The following FXR1 variants were observed in gnomAD, a reference collection of about 807,000 sequenced individuals.
The protein encoded by FXR1 is RNA-binding protein FXR1.
A neutral mutation model predicts 84.0 loss-of-function variants in FXR1; 15 were observed. The ratio of observed to expected loss-of-function variants is 0.18; its 90% CI spans 0.12 to 0.27. The LOEUF (loss-of-function observed/expected upper bound fraction) is 0.27, where lower values mean the gene tolerates loss of function less well. FXR1 is among the 10% of genes least tolerant of loss of function. The pLI is 1.00. For missense variants in FXR1, 480 were observed against 774.4 expected, an observed-to-expected ratio of 0.62 and a Z score of 4.51; for synonymous variants, 245 against 250.7, an observed-to-expected ratio of 0.98 and a Z score of 0.21.
intron 3 of FXR1, among the ~76,000 whole-genome samples, chr3:180,940,177 A>T (rs1005613332): frequency 3.3e-5 from 5 of 152,346 alleles, no homozygotes; most frequent in East Asian, 1.9e-4. Context: ...ATTTATTTTT[A>T]TACCTAATTA....
intron 7 of FXR1, among the ~76,000 whole-genome samples, chr3:180,950,054 A>G (rs1722068378): frequency 6.6e-6 from 1 of 152,192 alleles, no homozygotes; most frequent in African/African-American, 2.4e-5. Context: ...ATCATGTGGC[A>G]TGTAGTATTA....
intron 11 of FXR1, among the ~76,000 whole-genome samples, chr3:180,961,906 T>A (rs1712169215): frequency 6.6e-6 from 1 of 152,228 alleles, no homozygotes; most frequent in Admixed American, 6.5e-5. Flanking sequence ...ATTTTGTTTT[T>A]ACTTTTGTAC....
In FXR1 at chr3:180,916,437, G is replaced by A. The variant is rs559524982; in HGVS notation, c.51+3701G>A. Among the ~76,000 whole-genome samples, 13 of 152,094 alleles carry A rather than the reference G, an allele frequency of 8.5e-5. No individual in the cohort carries two copies. In the East Asian group the frequency reaches 2.3e-3, roughly 27 times the overall value. On this transcript the variant is annotated intron_variant, in intron 1 of 16. Transcript: ENST00000357559. ...GAGACAGAATCTTGCTCTTTTGCCCGGGTGGGAGCACAGTGGTGGGAGCGC... is the reference window on the plus strand; with the variant it reads ...GAGACAGAATCTTGCTCTTTTGCCCAGGTGGGAGCACAGTGGTGGGAGCGC...
chr3:180,951,327 T>C lies in FXR1; in HGVS notation c.660T>C (p.His220=), dbSNP rs1722214588. 6.2e-7 allele frequency: 1 copy of C among 1,607,026 alleles called. No homozygotes were observed. Among genetic ancestry groups the C allele is most frequent in the Non-Finnish European group, 8.5e-7 (1 of 1,174,590 alleles). Residue 220 remains histidine, a synonymous_variant, in exon 8 of 17, where the codon CAT becomes CAC. Coordinates refer to ENST00000357559, the MANE Select transcript of FXR1 (RefSeq NM_005087.4). ...ECTKQLAAAF[H]EEFVVREDLM... is the part of the protein sequence containing the mutation. Reference sequence around the variant, plus strand: ...CAAAACAACTTGCAGCAGCTTTTCATGAGGAATTTGTTGTGAGAGAAGATT... The same window carrying C: ...CAAAACAACTTGCAGCAGCTTTTCACGAGGAATTTGTTGTGAGAGAAGATT...
At chr3:180,945,106 T>C (rs933370346) in intron 3 of FXR1, among the ~76,000 whole-genome samples, 1 of 152,212 alleles carries the variant, frequency 6.6e-6, no homozygotes, top group African/African-American at 2.4e-5. Flanking sequence ...TTAAAATATA[T>C]CTCTAATAAA....
At chr3:180,940,713 A>T (rs1419436517) in intron 3 of FXR1, among the ~76,000 whole-genome samples, 1 of 151,890 alleles carries the variant, frequency 6.6e-6, no homozygotes, top group African/African-American at 2.4e-5. Flanking sequence ...AGTAGCAGAG[A>T]TTACAGGCAT....
rs367661208 is a variant in FXR1 at position 180,929,670 on chromosome 3, C to T, written c.52-3664C>T. Among the ~76,000 whole-genome samples, 18 of 152,240 alleles carry T rather than the reference C, an allele frequency of 1.2e-4. No homozygotes were observed. In the East Asian group the frequency reaches 3.3e-3, roughly 28 times the overall value. ...TATGGTGTCTCCTATCGGATTTTGGCGAAGACCCAGCCCTGTCAATTTGGG... is the reference window on the plus strand; with the variant it reads ...TATGGTGTCTCCTATCGGATTTTGGTGAAGACCCAGCCCTGTCAATTTGGG... On this transcript the variant is annotated intron_variant, in intron 1 of 16. Transcript: ENST00000357559.
chr3:180,924,068 C>T (rs533867991), intron 1 of FXR1, among the ~76,000 whole-genome samples: 221 of 152,208 alleles, frequency 1.5e-3, no homozygotes, highest in Non-Finnish European at 2.7e-3. Flanking sequence ...AAGTGATTCT[C>T]CTCCCTCAGG....
chr3:180,913,402 G>T (rs533154699), intron 1 of FXR1, among the ~76,000 whole-genome samples: 6 of 152,202 alleles, frequency 3.9e-5, no homozygotes, highest in African/African-American at 1.4e-4. Context: ...CGGAAGAAAA[G>T]GAGAGTTGTG....
At chr3:180,954,872 ATTTTTTTTTT>A (rs11328945) in intron 9 of FXR1, among the ~76,000 whole-genome samples, 2 of 114,582 alleles carry the variant, frequency 1.7e-5, no homozygotes, top group African/African-American at 3.4e-5. Flanking sequence ...TTCTAAAAAG[ATTTTTTTTTT>A]TTTTTTTTTT....
At chr3:180,915,284 G>A (rs571411497) in intron 1 of FXR1, 7 of 501,374 alleles carry the variant, frequency 1.4e-5, no homozygotes, top group East Asian at 9.6e-5. Context: ...TAACTGTGGT[G>A]GTGTCAGCAT....
Position 180,933,250 on chromosome 3 carries a change from C to T in FXR1, c.52-84C>T, listed in dbSNP as rs748909506. On this transcript the variant is annotated intron_variant, in intron 1 of 16. Coordinates refer to ENST00000357559, the MANE Select transcript of FXR1 (RefSeq NM_005087.4). ...AAACCTTGTGTTCTTTTAGTACTCC[C>T]TATTATCTTTGAACTAATACAACCT... 125 of 784,242 alleles carry T rather than the reference C, an allele frequency of 1.6e-4. No individual in the cohort carries two copies. The Middle Eastern group carries it at 4.8e-3, about 30-fold the overall frequency. The allele number at this position is 784,242 out of a possible 1,614,324, so 48.6% of individuals were successfully genotyped here. A position where few individuals can be genotyped will look rare whatever the true frequency, so the allele number is the denominator to read the frequency against.
rs1266154868 is a variant in FXR1, at chr3:180,978,372, C to T, written c.*2080C>T. ...TCATTACTTTACAAATGACTAAACC[C>T]AATGTCTTGTCCTTTAAAAAATATA... On this transcript the variant is annotated 3_prime_UTR_variant, in exon 17 of 17. Transcript: ENST00000357559. 6.6e-6 allele frequency: 1 copy of T among 151,996 alleles called. No homozygotes were observed. Among genetic ancestry groups the T allele is most frequent in the African/African-American group, 2.4e-5 (1 of 41,410 alleles). 9.4% of individuals were successfully genotyped at this position (151,996 alleles called of 1,614,324 possible).
chr3:180,973,189 A>G (rs147515259), intron 15 of FXR1, among the ~76,000 whole-genome samples: 4 of 152,354 alleles, frequency 2.6e-5, no homozygotes, highest in East Asian at 1.9e-4. Flanking sequence ...CTGGCTATAA[A>G]CAGGTTTTTA....
rs1714637901 is a variant in FXR1 at position 180,982,091 on chromosome 3, C to T, written c.*5799C>T. On this transcript the variant is annotated 3_prime_UTR_variant, in exon 17 of 17. Transcript: ENST00000357559. ...AGTACAAAAAGTTAAGAGAACGGAA[C>T]TCAGGATCTGAGAAAGATCAGCCAT... is the stretch of plus-strand genomic sequence containing the variant. The T allele has an allele frequency of 1.3e-5, 2 of 152,144 alleles. No individual in the cohort carries two copies. Among genetic ancestry groups the T allele is most frequent in the East Asian group, 3.9e-4 (2 of 5,180 alleles). The allele number at this position is 152,144 out of a possible 1,614,324, so 9.4% of individuals were successfully genotyped here.
chr3:180,931,026 C>CAAA (rs57731098), intron 1 of FXR1, among the ~76,000 whole-genome samples: 36 of 55,558 alleles, frequency 6.5e-4, no homozygotes, highest in East Asian at 5.1e-3. Flanking sequence ...GAGACTGCCT[C>CAAA]AAAAAAAAAA....
At chr3:180,916,258 T>C (rs1372917063) in intron 1 of FXR1, among the ~76,000 whole-genome samples, 7 of 152,220 alleles carry the variant, frequency 4.6e-5, no homozygotes, top group Non-Finnish European at 7.3e-5. Context: ...ACAGTCTTCC[T>C]TCAGAACGTT....
intron 2 of FXR1, among the ~76,000 whole-genome samples, chr3:180,934,937 T>C (rs572648158): frequency 6.6e-6 from 1 of 152,214 alleles, no homozygotes; most frequent in Non-Finnish European, 1.5e-5. Context: ...TTAACAATTA[T>C]GTTAATTATG....
intron 11 of FXR1, among the ~76,000 whole-genome samples, chr3:180,962,532 A>G (rs1712250438): frequency 6.6e-6 from 1 of 152,246 alleles, no homozygotes; most frequent in East Asian, 1.9e-4. Flanking sequence ...TCATTCAGCA[A>G]TTCTAACTCC....
Sources: allele counts gnomAD v4.1 joint callset (sites outside exome capture counted in the v4.1 genomes callset), GRCh38; gene constraint gnomAD v4.1.1; transcripts MANE v1.5; gene names NCBI Gene and HGNC (gene_info 2026-07-23, HGNC 2026-07-21).